Variants in GRIK2 observed in about 807,000 individuals in gnomAD.
GRIK2 encodes the protein glutamate ionotropic receptor kainate type subunit 2.
GRIK2 carries 32 observed loss-of-function variants against 100.3 expected under a neutral mutation model. The observed-to-expected ratio is 0.32, with a 90% confidence interval of 0.24 to 0.43. The LOEUF (loss-of-function observed/expected upper bound fraction) is 0.43, where lower values mean the gene tolerates loss of function less well. Among genes scored for constraint, GRIK2 ranks in the 20% least tolerant of loss-of-function variants. The pLI is 1.00. For synonymous variants in GRIK2, 417 were observed against 389.4 expected (o/e 1.07, Z -0.83); for missense variants, 843 against 1,114.9 (o/e 0.76, Z 3.47).
At chr6:101,557,299 A>G (rs1298946318) in intron 2 of GRIK2, among the ~76,000 whole-genome samples, 2 of 152,216 alleles carry the variant, frequency 1.3e-5, no homozygotes, top group African/African-American at 4.8e-5. Context: ...TCAGCGTAAG[A>G]TCCTGAAGTT....
intron 4 of GRIK2, among the ~76,000 whole-genome samples, chr6:101,672,366 C>T (rs558617514): frequency 2.6e-5 from 4 of 152,272 alleles, no homozygotes; most frequent in African/African-American, 9.6e-5. Flanking sequence ...AGCACCCTCT[C>T]TCTCCAGATG....
intron 10 of GRIK2, among the ~76,000 whole-genome samples, chr6:101,837,289 T>A (rs961059940): frequency 1.3e-5 from 2 of 152,154 alleles, no homozygotes; most frequent in Non-Finnish European, 2.9e-5. Context: ...TAACTTGCAG[T>A]CGTGTGATGA....
intron 2 of GRIK2, among the ~76,000 whole-genome samples, chr6:101,525,422 C>G (rs1775103143): frequency 6.6e-6 from 1 of 152,038 alleles, no homozygotes. Context: ...TGTGTGAGTT[C>G]TTGGTAATGG....
chr6:101,694,033 A>G (rs1772299968), intron 7 of GRIK2, among the ~76,000 whole-genome samples: 1 of 152,130 alleles, frequency 6.6e-6, no homozygotes, highest in Non-Finnish European at 1.5e-5. Flanking sequence ...CACCCAGAAG[A>G]GGTGATGCCC....
chr6:101,871,814 A>G (rs923921556), intron 11 of GRIK2, among the ~76,000 whole-genome samples: 3 of 151,862 alleles, frequency 2.0e-5, no homozygotes, highest in African/African-American at 7.2e-5. Flanking sequence ...TGTCTTTGCT[A>G]TTGTGAATAG....
At chr6:101,554,327 G>A (rs1337057645) in intron 2 of GRIK2, among the ~76,000 whole-genome samples, 2 of 152,202 alleles carry the variant, frequency 1.3e-5, no homozygotes, top group East Asian at 1.9e-4. Flanking sequence ...CATGCATTCA[G>A]AGACACAAGA....
chr6:101,858,144 C>A (rs1050784206), intron 10 of GRIK2, among the ~76,000 whole-genome samples: 4 of 151,956 alleles, frequency 2.6e-5, no homozygotes, highest in African/African-American at 9.7e-5. Flanking sequence ...CAGTTGTTTT[C>A]TTTTCTATTG....
intron 7 of GRIK2, among the ~76,000 whole-genome samples, chr6:101,769,627 G>T (rs1265517060): frequency 6.6e-6 from 1 of 152,130 alleles, no homozygotes; most frequent in Non-Finnish European, 1.5e-5. Context: ...CAAATTATGA[G>T]TATCTTTTTG....
At position 101,423,761 on chromosome 6, in the gene GRIK2, A is replaced by G. The variant is rs1776539661; in HGVS notation, c.115+24369A>G. ...TCCAACTTCCAAGCATTTATTCAAA[A>G]CTTTTGATACTAATCCCATATTGAA... is the stretch of plus-strand genomic sequence containing the variant. On this transcript the variant is annotated intron_variant, in intron 2 of 16. Transcript: ENST00000369134. 7.1e-5 allele frequency among the ~76,000 whole-genome samples: 7 copies of G among 99,084 alleles called. No individual in the cohort carries two copies. The Admixed American group carries it at 7.7e-4, about 11-fold the overall frequency. 65.0% of individuals were successfully genotyped at this position (99,084 alleles called of 152,430 possible). A position where few individuals can be genotyped will look rare whatever the true frequency, so the allele number is the denominator to read the frequency against.
rs997318974 is a variant in GRIK2, at chr6:102,021,900, G to A, written c.2086-13441G>A. Among the ~76,000 whole-genome samples the A allele has an allele frequency of 5.3e-5, 8 of 149,726 alleles. 1 individual carries two copies. The highest frequency in any genetic ancestry group is 3.9e-4 in the East Asian group (2 of 5,092). ...TGTCACTTTTGTTTTAAATAGTAGC[G>A]TAGACCTTTCTTCACTTGTTTCAAA... On this transcript the variant is annotated intron_variant, in intron 14 of 16. Coordinates refer to ENST00000369134, the MANE Select transcript of GRIK2 (RefSeq NM_021956.5).
At chr6:101,772,294 T>C (rs563673751) in intron 7 of GRIK2, among the ~76,000 whole-genome samples, 4 of 152,318 alleles carry the variant, frequency 2.6e-5, no homozygotes, top group African/African-American at 9.6e-5. Flanking sequence ...CCTGAAGCAA[T>C]AGCTGTGACA....
chr6:101,696,967 A>G (rs1772535113), intron 7 of GRIK2, among the ~76,000 whole-genome samples: 1 of 151,940 alleles, frequency 6.6e-6, no homozygotes, highest in Non-Finnish European at 1.5e-5. Flanking sequence ...AAACCCTGTT[A>G]TTTCTTTCCT....
At chr6:101,639,481 G>A (rs1781182361) in intron 4 of GRIK2, among the ~76,000 whole-genome samples, 1 of 151,950 alleles carries the variant, frequency 6.6e-6, no homozygotes, top group African/African-American at 2.4e-5. Context: ...TTCAATAAAT[G>A]ACCATGTTAG....
rs533194811 is a variant in GRIK2 at position 102,057,055 on chromosome 6, A to T, written c.2562+1475A>T. Among the ~76,000 whole-genome samples the T allele has an allele frequency of 2.0e-5, 3 of 152,114 alleles. No homozygotes were observed. In the South Asian group the frequency reaches 6.2e-4, roughly 32 times the overall value. On this transcript the variant is annotated intron_variant, in intron 16 of 16. Coordinates refer to ENST00000369134, the MANE Select transcript of GRIK2 (RefSeq NM_021956.5). ...TTAAAGTGTCAAAATGAACTTTGAA[A>T]CTAAATCTAAAGAGCTAACCAAAGA...
intron 14 of GRIK2, among the ~76,000 whole-genome samples, chr6:102,018,983 G>T (rs1321372830): frequency 6.6e-6 from 1 of 151,924 alleles, no homozygotes; most frequent in Admixed American, 6.6e-5. Flanking sequence ...TCTGCGAAGG[G>T]GTTTGAAATA....
Position 101,714,699 on chromosome 6 carries a change from T to C in GRIK2, c.951+28346T>C, listed in dbSNP as rs543951449. On this transcript the variant is annotated intron_variant, in intron 7 of 16. Transcript: ENST00000369134. ...TCACTTTTATCATTTCGCTTCTTAA[T>C]TCCTTTCTCTTTGTCACAAGTCCTG... is the stretch of plus-strand genomic sequence containing the variant. 6.6e-5 allele frequency among the ~76,000 whole-genome samples: 10 copies of C among 151,926 alleles called. No individual in the cohort carries two copies. The South Asian group carries it at 2.1e-3, about 31-fold the overall frequency.
intron 4 of GRIK2, among the ~76,000 whole-genome samples, chr6:101,645,503 G>A (rs1332720157): frequency 1.3e-5 from 2 of 151,834 alleles, no homozygotes; most frequent in South Asian, 2.1e-4. Flanking sequence ...ATAAAGATGG[G>A]AGAGGCCGTT....
chr6:101,814,932 A>C (rs2182079), intron 9 of GRIK2, among the ~76,000 whole-genome samples: 41,260 of 152,020 alleles, frequency 0.27, 7,525 homozygotes, highest in East Asian at 0.67. Flanking sequence ...CACTATGTTG[A>C]ATACTTTTTC....
chr6:101,714,519 A>G (rs1424468984), intron 7 of GRIK2, among the ~76,000 whole-genome samples: 2 of 151,738 alleles, frequency 1.3e-5, no homozygotes, highest in East Asian at 1.9e-4. Context: ...AAATTCTGGT[A>G]TCAACTTTTA....
Sources: allele counts gnomAD v4.1 joint callset (sites outside exome capture counted in the v4.1 genomes callset), GRCh38; gene constraint gnomAD v4.1.1; transcripts MANE v1.5; gene names NCBI Gene and HGNC (gene_info 2026-07-23, HGNC 2026-07-21).